KAZN: variants seen among roughly 807,000 people sequenced by gnomAD.
KAZN encodes kazrin, periplakin interacting protein.
Under a neutral mutation model 87.4 loss-of-function variants are expected in KAZN, and 40 were observed. The observed-to-expected ratio is 0.46, with a 90% CI of 0.36 to 0.60. KAZN has a LOEUF of 0.60. KAZN is among the 20% of genes least tolerant of loss of function. The pLI, the probability that KAZN is intolerant of heterozygous loss-of-function variation, is 0.00. For synonymous variants in KAZN, 466 were observed against 458.3 expected (o/e 1.02, Z -0.22); for missense variants, 898 against 1,073.9 (o/e 0.84, Z 2.29).
intron 2 of KAZN, among the ~76,000 whole-genome samples, chr1:14,263,607 G>C (rs755134444): frequency 6.6e-6 from 1 of 151,768 alleles, no homozygotes; most frequent in Non-Finnish European, 1.5e-5. Context: ...TGGGTATAGA[G>C]ATTGCTGCTA....
intron 2 of KAZN, among the ~76,000 whole-genome samples, chr1:15,006,593 C>T (rs1669027188): frequency 1.3e-5 from 2 of 152,248 alleles, no homozygotes; most frequent in Admixed American, 1.3e-4. Context: ...TGAATACCTA[C>T]TATGTTCCAG....
chr1:14,252,274 G>T (rs971535605), intron 2 of KAZN, among the ~76,000 whole-genome samples: 3 of 152,150 alleles, frequency 2.0e-5, no homozygotes, highest in Admixed American at 1.3e-4. Flanking sequence ...CTGTTTCCTT[G>T]CTAGTCATAA....
At chr1:14,434,240 G>C (rs573828480) in intron 2 of KAZN, among the ~76,000 whole-genome samples, 15 of 152,074 alleles carry the variant, frequency 9.9e-5, no homozygotes, top group Non-Finnish European at 2.2e-4. Flanking sequence ...ATCCTGTTAT[G>C]AGGAATCTTG....
At chr1:15,063,967 G>A (rs1327714017) in intron 7 of KAZN, among the ~76,000 whole-genome samples, 1 of 152,192 alleles carries the variant, frequency 6.6e-6, no homozygotes, top group Admixed American at 6.5e-5. Flanking sequence ...GGGCCCGCCT[G>A]GCCCTGTGCC....
chr1:14,667,790 T>G (rs1414751115), intron 1 of KAZN, among the ~76,000 whole-genome samples: 2 of 150,596 alleles, frequency 1.3e-5, no homozygotes, highest in East Asian at 3.9e-4. Context: ...TACCCTCTTT[T>G]ATGTAGATGA....
intron 2 of KAZN, among the ~76,000 whole-genome samples, chr1:14,475,139 A>G (rs941527182): frequency 2.6e-5 from 4 of 151,706 alleles, no homozygotes; most frequent in African/African-American, 9.7e-5. Context: ...TATTGAATTG[A>G]TGGATGGATG....
chr1:14,273,939 C>T (rs1557608659), intron 2 of KAZN, among the ~76,000 whole-genome samples: 1 of 151,894 alleles, frequency 6.6e-6, no homozygotes, highest in East Asian at 1.9e-4. Context: ...TTACTGAAAA[C>T]TCATTCTGTA....
intron 1 of KAZN, among the ~76,000 whole-genome samples, chr1:14,615,099 T>C (rs1201585795): frequency 1.3e-5 from 2 of 152,256 alleles, no homozygotes; most frequent in African/African-American, 4.8e-5. Flanking sequence ...CCAGTATCCC[T>C]GCAGGCACTG....
At chr1:14,226,649 C>T (rs1223735057) in intron 2 of KAZN, among the ~76,000 whole-genome samples, 1 of 152,158 alleles carries the variant, frequency 6.6e-6, no homozygotes, top group Non-Finnish European at 1.5e-5. Context: ...ATAGAATCAA[C>T]CTGGATTCCC....
rs149192185 is a variant in KAZN, at chr1:14,960,775, G to T, written c.318G>T (p.Ser106=). ...KEMLAKDLEE[S]QGGKSSEVLS... is the part of the protein sequence containing the mutation. ...TGTTGGCGAAGGACCTGGAGGAGTC[G>T]CAGGGCGGCAAGTCCTCTGAGGTCC... The change falls in exon 2 of 15, where the codon TCG becomes TCT. Residue 106 remains serine (S), a synonymous_variant. Coordinates refer to ENST00000376030, the MANE Select transcript of KAZN (RefSeq NM_201628.3). The T allele has an allele frequency of 3.7e-6, 6 of 1,609,358 alleles. No homozygotes were observed. The highest frequency in any genetic ancestry group is 2.2e-5 in the East Asian group (1 of 44,768).
intron 1 of KAZN, among the ~76,000 whole-genome samples, chr1:14,685,130 C>T (rs139857445): frequency 6.6e-6 from 1 of 152,292 alleles, no homozygotes; most frequent in Non-Finnish European, 1.5e-5. Flanking sequence ...GATGCCAGAA[C>T]ACCAGTAGGG....
chr1:15,059,102 C>CTTTT, intron 5 of KAZN, among the ~76,000 whole-genome samples: 1 of 140,362 alleles, frequency 7.1e-6, no homozygotes, highest in African/African-American at 2.6e-5. Context: ...AAAACAGGCA[C>CTTTT]TTTTTTTTTT....
intron 1 of KAZN, among the ~76,000 whole-genome samples, chr1:14,131,189 C>T (rs1188080567): frequency 2.0e-5 from 3 of 152,140 alleles, no homozygotes; most frequent in Non-Finnish European, 4.4e-5. Context: ...ATCGCAGGAA[C>T]AGCAAGGAGG....
At chr1:15,022,045 T>C (rs1376701739) in intron 2 of KAZN, among the ~76,000 whole-genome samples, 1 of 152,106 alleles carries the variant, frequency 6.6e-6, no homozygotes, top group Non-Finnish European at 1.5e-5. Flanking sequence ...CAGGATTCAA[T>C]TACCTTCTAC....
rs771723791 is a variant in KAZN at position 14,255,407 on chromosome 1, TC to T, written c.249+74816del. Among the ~76,000 whole-genome samples, 18 of 152,310 alleles carry T rather than the reference TC, an allele frequency of 1.2e-4. No homozygotes were observed. The East Asian group carries it at 2.5e-3, about 21-fold the overall frequency. On this transcript the variant is annotated intron_variant, in intron 2 of 16. Coordinates refer to the KAZN transcript ENST00000636203. ...CAAACTAATCAAATGTGTTTCATGA[TC>T]TTTTTTTAGATATATATTTTTATGT...
intron 1 of KAZN, among the ~76,000 whole-genome samples, chr1:14,799,917 G>T (rs1205661577): frequency 6.6e-6 from 1 of 152,144 alleles, no homozygotes; most frequent in African/African-American, 2.4e-5. Flanking sequence ...TAATGAAACG[G>T]TATTAGATAA....
chr1:14,499,266 G>A (rs1670111999), intron 2 of KAZN, among the ~76,000 whole-genome samples: 1 of 152,156 alleles, frequency 6.6e-6, no homozygotes, highest in South Asian at 2.1e-4. Context: ...ATAAAAGAAA[G>A]CTTAGATGCA....
chr1:14,961,259 T>C (rs1025187597), intron 2 of KAZN, among the ~76,000 whole-genome samples: 3 of 152,188 alleles, frequency 2.0e-5, no homozygotes, highest in Non-Finnish European at 4.4e-5. Context: ...ATTTCTCTGC[T>C]GGAGGACATG....
chr1:14,965,451 C>G (rs919233014), intron 2 of KAZN, among the ~76,000 whole-genome samples: 1 of 152,148 alleles, frequency 6.6e-6, no homozygotes, highest in African/African-American at 2.4e-5. Flanking sequence ...GATTTCTCCG[C>G]GAATCAAGGC....
Sources: allele counts gnomAD v4.1 joint callset (sites outside exome capture counted in the v4.1 genomes callset), GRCh38; gene constraint gnomAD v4.1.1; transcripts MANE v1.5; gene names NCBI Gene and HGNC (gene_info 2026-07-23, HGNC 2026-07-21).